Variants in SAPCD2 observed in about 807,000 individuals in gnomAD.
The protein encoded by SAPCD2 is suppressor APC domain-containing protein 2.
SAPCD2 carries 34 observed loss-of-function variants against 37.8 expected under a neutral mutation model. That is an observed-to-expected ratio of 0.90 (90% CI 0.68 to 1.20). The LOEUF is 1.20. Among genes scored for constraint, SAPCD2 ranks in the 50% most tolerant of loss-of-function variants. The pLI, the probability that SAPCD2 is intolerant of heterozygous loss-of-function variation, is 0.00. For missense variants in SAPCD2, 572 were observed against 584.7 expected (o/e 0.98, Z 0.22); for synonymous variants, 275 against 270.3 (o/e 1.02, Z -0.17).
rs551678935 is a variant in SAPCD2 at position 137,067,638 on chromosome 9, G to A, written c.572-1264C>T. 7.9e-5 allele frequency among the ~76,000 whole-genome samples: 12 copies of A among 151,420 alleles called. No homozygotes were observed. In the East Asian group the frequency reaches 1.2e-3, roughly 15 times the overall value. On this transcript the variant is annotated intron_variant, in intron 1 of 5. Coordinates refer to ENST00000409687, the MANE Select transcript of SAPCD2 (RefSeq NM_178448.4). ...AAAATACAAAAATTAGCAGGGCGTG[G>A]TGGCATGCACCTGTAATCCCAGCTA...
At chr9:137,065,455 C>T in intron 3 of SAPCD2, 67 bp downstream of exon 3, 1 of 1,508,090 alleles carries the variant, frequency 6.6e-7, no homozygotes, top group Non-Finnish European at 8.9e-7. Context: ...CCACAATGCC[C>T]AAGGGTGCCT....
Position 137,067,897 on chromosome 9 carries a change from G to T in SAPCD2, c.572-1523C>A, listed in dbSNP as rs865822081. On this transcript the variant is annotated intron_variant, in intron 1 of 5. Coordinates refer to ENST00000409687, the MANE Select transcript of SAPCD2 (RefSeq NM_178448.4). The stretch of plus-strand genomic sequence containing the variant: ...CCCCTGCTCTGAAGTTTGTTTGAGG[G>T]CTCCCCCTGGGGGCAGCCAAGAGTA... Among the ~76,000 whole-genome samples, 4 of 151,812 alleles carry T rather than the reference G, an allele frequency of 2.6e-5. No homozygotes were observed. The South Asian group carries it at 8.3e-4, about 31-fold the overall frequency.
chr9:137,068,670 C>G (rs1159971331), intron 1 of SAPCD2, among the ~76,000 whole-genome samples: 2 of 152,234 alleles, frequency 1.3e-5, no homozygotes. Flanking sequence ...AGCTACAGCC[C>G]TAGCCATGTG....
intron 1 of SAPCD2, among the ~76,000 whole-genome samples, chr9:137,069,435 C>A (rs964569354): frequency 6.6e-6 from 1 of 152,228 alleles, no homozygotes; most frequent in Non-Finnish European, 1.5e-5. Context: ...TGGGCCCAGC[C>A]CCCCTGGCTA....
rs552124833 is a variant in SAPCD2, at chr9:137,064,657, G to A, written c.*2C>T. On this transcript the variant is annotated 3_prime_UTR_variant, in exon 6 of 6. Coordinates refer to ENST00000409687, the MANE Select transcript of SAPCD2 (RefSeq NM_178448.4). ...CCTGGGGGCCCACGCGGCCCACAAG[G>A]ACTAGATGAAGGTGGAATCCAGAGG... 3 of 1,597,140 alleles carry A rather than the reference G, an allele frequency of 1.9e-6. No individual in the cohort carries two copies. In the South Asian group the frequency reaches 3.4e-5, roughly 18 times the overall value.
chr9:137,068,981 T>G (rs574996741), intron 1 of SAPCD2, among the ~76,000 whole-genome samples: 2 of 152,312 alleles, frequency 1.3e-5, no homozygotes, highest in Non-Finnish European at 2.9e-5. Flanking sequence ...CTGGAGAATA[T>G]GGCTGAGGTG....
In SAPCD2 at chr9:137,062,705, T is replaced by C. The variant is rs1832478278; in HGVS notation, c.*1954A>G. 1 of 152,272 alleles carries C rather than the reference T, an allele frequency of 6.6e-6. No individual in the cohort carries two copies. The highest frequency in any genetic ancestry group is 2.4e-5 in the African/African-American group (1 of 41,466). The allele number at this position is 152,272 out of a possible 1,614,324, so 9.4% of individuals were successfully genotyped here. A position where few individuals can be genotyped will look rare whatever the true frequency, so the allele number is the denominator to read the frequency against. On this transcript the variant is annotated 3_prime_UTR_variant, in exon 6 of 6. Coordinates refer to ENST00000409687, the MANE Select transcript of SAPCD2 (RefSeq NM_178448.4). ...TCCAGGCAGGGTCTGCATGTGCCTC[T>C]GCCAGCCACCTAGACCCTGCCAGCC...
At chr9:137,068,185 G>A (rs1832576349) in intron 1 of SAPCD2, among the ~76,000 whole-genome samples, 1 of 152,262 alleles carries the variant, frequency 6.6e-6, no homozygotes, top group Non-Finnish European at 1.5e-5. Context: ...CTGCGGTGCT[G>A]AGCGGCTGGC....
At chr9:137,068,208 AG>A (rs1379965918) in intron 1 of SAPCD2, among the ~76,000 whole-genome samples, 1 of 152,238 alleles carries the variant, frequency 6.6e-6, no homozygotes, top group Admixed American at 6.5e-5. Flanking sequence ...CTCTGGGGCA[AG>A]ACAGTGGAAG....
intron 1 of SAPCD2, 93 bp from the exon 2 acceptor site, chr9:137,066,467 C>T (rs1470356857): frequency 8.1e-6 from 8 of 987,756 alleles, no homozygotes; most frequent in Middle Eastern, 4.9e-4. Flanking sequence ...AGCCCACCCT[C>T]GAGGTCTCGG....
chr9:137,066,373 A>G lies in SAPCD2; in HGVS notation c.573T>C (p.Gly191=), dbSNP rs775986743. ...CCTCCAGGGCCCTGCACGCCACTGC[A>G]CCTGTTATGGAGAGGCATGGGCCTG... ...ALEPSSSADA[G]AVACRALEAD... The change falls in exon 2 of 6, where the codon GGT becomes GGC. Residue 191 remains glycine (G), a splice_region_variant and synonymous_variant. Coordinates refer to ENST00000409687, the MANE Select transcript of SAPCD2 (RefSeq NM_178448.4). 1.1e-5 allele frequency: 17 copies of G among 1,597,550 alleles called. No individual in the cohort carries two copies. Among genetic ancestry groups the G allele is most frequent in the Non-Finnish European group, 1.5e-5 (17 of 1,172,378 alleles).
Position 137,066,373 on chromosome 9 carries a change from A to T in SAPCD2, c.573T>A (p.Gly191=). Residue 191 remains glycine (G), a splice_region_variant and synonymous_variant, in exon 2 of 6, where the codon GGT becomes GGA. Coordinates refer to ENST00000409687, the MANE Select transcript of SAPCD2 (RefSeq NM_178448.4). ...ALEPSSSADA[G]AVACRALEAD... The stretch of plus-strand genomic sequence containing the variant: ...CCTCCAGGGCCCTGCACGCCACTGC[A>T]CCTGTTATGGAGAGGCATGGGCCTG... 1 of 1,597,550 alleles carries T rather than the reference A, an allele frequency of 6.3e-7. No homozygotes were observed. Among genetic ancestry groups the T allele is most frequent in the South Asian group, 1.1e-5 (1 of 88,662 alleles).
chr9:137,069,135 C>T (rs1439350307), intron 1 of SAPCD2, among the ~76,000 whole-genome samples: 2 of 152,244 alleles, frequency 1.3e-5, no homozygotes, highest in Non-Finnish European at 2.9e-5. Flanking sequence ...GCTTGGCCCC[C>T]CAACCCCAGC....
chr9:137,065,725 C>G, intron 2 of SAPCD2, 57 bp from the exon 3 acceptor site: 4 of 1,549,640 alleles, frequency 2.6e-6, no homozygotes, highest in Non-Finnish European at 3.5e-6. Context: ...CACACGTCCA[C>G]ACATGCATGA....
chr9:137,070,096 C>T lies in SAPCD2; in HGVS notation c.365G>A (p.Arg122His). 14 of 1,191,354 alleles carry T rather than the reference C, an allele frequency of 1.2e-5. No homozygotes were observed. The highest frequency in any genetic ancestry group is 1.5e-5 in the Non-Finnish European group (14 of 962,658). 73.8% of individuals were successfully genotyped at this position (1,191,354 alleles called of 1,614,324 possible). ...PGDQPPPPPQ[R>H]LVFAPADEPR... is the part of the protein sequence containing the mutation. ...CTCGTCGGCCGGAGCGAACACCAGG[C>T]GCTGCGGCGGCGGCGGCGGCTGATC... Residue 122 changes from arginine to histidine, a missense_variant, in exon 1 of 6, where the codon CGC becomes CAC. Arg to His is a conservative substitution (Grantham distance 29). Coordinates refer to ENST00000409687, the MANE Select transcript of SAPCD2 (RefSeq NM_178448.4).
At chr9:137,069,786 TC>T (rs1049996895) in intron 1 of SAPCD2, 103 bp downstream of exon 1, 2 of 829,566 alleles carry the variant, frequency 2.4e-6, no homozygotes, top group East Asian at 7.3e-5. Context: ...CGCTCCCCGG[TC>T]CCGTCCCTTG....
At chr9:137,068,435 T>G (rs1832579704) in intron 1 of SAPCD2, among the ~76,000 whole-genome samples, 1 of 152,130 alleles carries the variant, frequency 6.6e-6, no homozygotes, top group Non-Finnish European at 1.5e-5. Flanking sequence ...AGGCCACACC[T>G]CCAGGGCCAC....
At chr9:137,068,051 G>A (rs1832575300) in intron 1 of SAPCD2, among the ~76,000 whole-genome samples, 1 of 152,192 alleles carries the variant, frequency 6.6e-6, no homozygotes, top group Admixed American at 6.5e-5. Context: ...CCAGCACCAG[G>A]CACATCCTTA....
rs1264951404 is a variant in SAPCD2, at chr9:137,064,532, G to A, written c.*127C>T. 13 of 1,119,056 alleles carry A rather than the reference G, an allele frequency of 1.2e-5. No homozygotes were observed. Among genetic ancestry groups the A allele is most frequent in the Middle Eastern group, 2.9e-4 (1 of 3,394 alleles). 69.3% of individuals were successfully genotyped at this position (1,119,056 alleles called of 1,614,324 possible). Reference sequence around the variant, plus strand: ...CATCTGGCAAGGGCGGCAGGAAGGCGCCCACTCCGGGACTGTGCCTGGGCC... The same window carrying A: ...CATCTGGCAAGGGCGGCAGGAAGGCACCCACTCCGGGACTGTGCCTGGGCC... On this transcript the variant is annotated 3_prime_UTR_variant, in exon 6 of 6. Coordinates refer to ENST00000409687, the MANE Select transcript of SAPCD2 (RefSeq NM_178448.4).
Sources: allele counts gnomAD v4.1 joint callset (sites outside exome capture counted in the v4.1 genomes callset), GRCh38; gene constraint gnomAD v4.1.1; transcripts MANE v1.5; gene names NCBI Gene and HGNC (gene_info 2026-07-23, HGNC 2026-07-21).